Variants in SBF1 observed in about 807,000 individuals in gnomAD.
The protein encoded by SBF1 is myotubularin-related protein 5.
SBF1 carries 65 observed loss-of-function variants against 215.8 expected under a neutral mutation model. The observed-to-expected ratio is 0.30, with a 90% confidence interval of 0.25 to 0.37. SBF1 has a LOEUF of 0.37. SBF1 is among the 10% of genes least tolerant of loss of function. The pLI is 1.00. For missense variants in SBF1, 2,634 were observed against 2,667.8 expected (o/e 0.99, Z 0.28); for synonymous variants, 1,410 against 1,122.8 (o/e 1.26, Z -5.11).
In SBF1 at chr22:50,454,875, T is replaced by C; in HGVS notation, c.4751A>G (p.Asp1584Gly). Residue 1584 changes from aspartate to glycine, a missense_variant, in exon 35 of 41, where the codon GAC becomes GGC. Transcript: ENST00000380817. ...CACAGGCGTCCTCTTGCTCAGCCGG[T>C]CCACATACTCCCACACAGACCTGCA... ...VPCRSVWEYV[D>G]RLSKRTPVFH... The C allele has an allele frequency of 6.2e-7, 1 of 1,614,092 alleles. No individual in the cohort carries two copies. The highest frequency in any genetic ancestry group is 8.5e-7 in the Non-Finnish European group (1 of 1,179,996).
In SBF1 at chr22:50,474,765, G is replaced by T. The variant is rs771925120; in HGVS notation, c.55+21C>A. ...CTCGACCCTCGGCCCCCGGCCCTCA[G>T]CGCTTGGCCTCGGCACTCACCGCGC... On this transcript the variant is annotated intron_variant, in intron 1 of 40. Transcript: ENST00000380817. 20 of 1,461,850 alleles carry T rather than the reference G, an allele frequency of 1.4e-5. No homozygotes were observed. In the South Asian group the frequency reaches 2.3e-4, roughly 17 times the overall value. 90.6% of individuals were successfully genotyped at this position (1,461,850 alleles called of 1,614,324 possible). A position where few individuals can be genotyped will look rare whatever the true frequency, so the allele number is the denominator to read the frequency against.
rs2066924067 is a variant in SBF1, at chr22:50,448,552, T to A, written c.5142A>T (p.Pro1714=). 6.2e-7 allele frequency: 1 copy of A among 1,611,984 alleles called. No individual in the cohort carries two copies. Among genetic ancestry groups the A allele is most frequent in the South Asian group, 1.1e-5 (1 of 91,058 alleles). The change falls in exon 37 of 41, where the codon CCA becomes CCT. Residue 1714 remains proline, a synonymous_variant. Coordinates refer to ENST00000380817, the MANE Select transcript of SBF1 (RefSeq NM_002972.4). Reference sequence around the variant, plus strand: ...ACTGGCCCTCACTCACACGGCCGTCTGGCCGGCCCTCGAGGCGCTGTGCAG... The same window carrying A: ...ACTGGCCCTCACTCACACGGCCGTCAGGCCGGCCCTCGAGGCGCTGTGCAG... The part of the protein sequence containing the change: ...VKAAQRLEGR[P]DGRGTPSSLL...
rs1363637135 is a variant in SBF1, at chr22:50,474,805, C to A, written c.36G>T (p.Ala12=). ...ARLADYFVLV[A]FGPHPRGSGE... is the part of the protein sequence containing the mutation. ...ACTCACCGCGCGGGTGCGGCCCGAACGCCACCAGCACGAAGTAGTCCGCGA... is the reference window on the plus strand; with the variant it reads ...ACTCACCGCGCGGGTGCGGCCCGAAAGCCACCAGCACGAAGTAGTCCGCGA... Residue 12 remains alanine, a synonymous_variant, in exon 1 of 41, where the codon GCG becomes GCT. Coordinates refer to ENST00000380817, the MANE Select transcript of SBF1 (RefSeq NM_002972.4). 2.7e-6 allele frequency: 4 copies of A among 1,458,044 alleles called. No homozygotes were observed. The highest frequency in any genetic ancestry group is 1.5e-5 in the African/African-American group (1 of 67,508). The allele number at this position is 1,458,044 out of a possible 1,614,324, so 90.3% of individuals were successfully genotyped here.
Position 50,457,090 on chromosome 22 carries a change from A to C in SBF1, c.3848T>G (p.Val1283Gly). 6.7e-7 allele frequency: 1 copy of C among 1,488,412 alleles called. No individual in the cohort carries two copies. The highest frequency in any genetic ancestry group is 8.9e-7 in the Non-Finnish European group (1 of 1,127,582). 92.2% of individuals were successfully genotyped at this position (1,488,412 alleles called of 1,614,324 possible). A position where few individuals can be genotyped will look rare whatever the true frequency, so the allele number is the denominator to read the frequency against. Residue 1283 changes from valine to glycine, a missense_variant, in exon 29 of 41, where the codon GTC becomes GGC. Coordinates refer to ENST00000380817, the MANE Select transcript of SBF1 (RefSeq NM_002972.4). ...CGCCATGGGGTTGGACAGCGTGGTG[A>C]CCCTGGCTCTGGGGCTGGGAACTGA... ...GSHVPSPRAR[V>G]TTLSNPMAAS...
At chr22:50,458,051 G>C (rs1417815724) in intron 28 of SBF1, among the ~76,000 whole-genome samples, 2 of 152,228 alleles carry the variant, frequency 1.3e-5, no homozygotes, top group Non-Finnish European at 2.9e-5. Context: ...TGTAATCCCA[G>C]CACTTTGGGA....
In SBF1 at chr22:50,466,093, G is replaced by A. The variant is rs759332923; in HGVS notation, c.898-19C>T. The A allele has an allele frequency of 3.8e-5, 61 of 1,612,524 alleles. No homozygotes were observed. The highest frequency in any genetic ancestry group is 5.0e-5 in the Admixed American group (3 of 60,012). Reference sequence around the variant, plus strand: ...CATCGAGCTGCGGACCAAGGGAGCCGGCAGTCAGGGACCTGCAGGCCTGGG... The same window carrying A: ...CATCGAGCTGCGGACCAAGGGAGCCAGCAGTCAGGGACCTGCAGGCCTGGG... On this transcript the variant is annotated intron_variant, in intron 8 of 40. Transcript: ENST00000380817.
At chr22:50,453,824 G>A (rs370828256) in intron 36 of SBF1, among the ~76,000 whole-genome samples, 3 of 151,952 alleles carry the variant, frequency 2.0e-5, no homozygotes, top group East Asian at 3.9e-4. Context: ...AGGCCACACA[G>A]CCAACAGTGG....
intron 1 of SBF1, among the ~76,000 whole-genome samples, chr22:50,471,332 C>T (rs894616290): frequency 6.6e-6 from 1 of 152,212 alleles, no homozygotes; most frequent in Admixed American, 6.5e-5. Context: ...GCCTGAAAGG[C>T]GGGCGGGCGG....
At chr22:50,468,822 G>A (rs1231105045) in intron 1 of SBF1, among the ~76,000 whole-genome samples, 1 of 151,860 alleles carries the variant, frequency 6.6e-6, no homozygotes, top group Non-Finnish European at 1.5e-5. Context: ...CCCCACTTAG[G>A]CTCTCGGCCC....
intron 36 of SBF1, among the ~76,000 whole-genome samples, chr22:50,452,142 A>T (rs916929441): frequency 1.7e-5 from 2 of 114,948 alleles, no homozygotes; most frequent in African/African-American, 4.2e-5. Context: ...TGCTGAATTA[A>T]AAAAAAAAAA....
At chr22:50,465,887 T>G (rs1298316285) in intron 9 of SBF1, 47 bp from the exon 10 acceptor site, 4 of 1,611,408 alleles carry the variant, frequency 2.5e-6, no homozygotes. Context: ...GCCCCGGCTC[T>G]AGGCTCCCCG....
At chr22:50,465,355 G>A (rs1178068080) in intron 10 of SBF1, 27 bp from the exon 11 acceptor site, 4 of 1,542,918 alleles carry the variant, frequency 2.6e-6, no homozygotes, top group African/African-American at 1.4e-5. Flanking sequence ...GTGCAGGTGA[G>A]AGCCAGTCCT....
chr22:50,469,724 A>C (rs2067928175), intron 1 of SBF1, among the ~76,000 whole-genome samples: 3 of 151,978 alleles, frequency 2.0e-5, no homozygotes, highest in Admixed American at 2.0e-4. Flanking sequence ...CATGCTCAAC[A>C]CAGAGCCCCT....
chr22:50,468,611 A>T lies in SBF1; in HGVS notation c.56-150T>A. 6.8e-6 allele frequency: 4 copies of T among 589,806 alleles called. No individual in the cohort carries two copies. In the South Asian group the frequency reaches 8.3e-5, roughly 12 times the overall value. The allele number at this position is 589,806 out of a possible 1,614,324, so 36.5% of individuals were successfully genotyped here. ...TCCCTAAAAATAGCTCCGTATGGAG[A>T]GTCTGCTTGACAGCTGCAGACCCCA... is the stretch of plus-strand genomic sequence containing the variant. On this transcript the variant is annotated intron_variant, in intron 1 of 40. Coordinates refer to ENST00000380817, the MANE Select transcript of SBF1 (RefSeq NM_002972.4).
rs548328556 is a variant in SBF1 at position 50,472,691 on chromosome 22, G to A, written c.55+2095C>T. Reference sequence around the variant, plus strand: ...GCTCGAAGTCACAAGGCTATCAAGGGGCAAAGCAGAGACAAGTGACCCCCA... The same window carrying A: ...GCTCGAAGTCACAAGGCTATCAAGGAGCAAAGCAGAGACAAGTGACCCCCA... On this transcript the variant is annotated intron_variant, in intron 1 of 40. Coordinates refer to ENST00000380817, the MANE Select transcript of SBF1 (RefSeq NM_002972.4). 3.8e-3 allele frequency among the ~76,000 whole-genome samples: 575 copies of A among 152,282 alleles called. 2 individuals are homozygous for A. The highest frequency in any genetic ancestry group is 0.013 in the African/African-American group (549 of 41,544).
chr22:50,455,927 A>G, intron 31 of SBF1: 1 of 555,030 alleles, frequency 1.8e-6, no homozygotes, highest in Non-Finnish European at 3.2e-6. Context: ...GCAGGGGCCC[A>G]GAACCATAAA....
rs2067733955 is a variant in SBF1 at position 50,465,943 on chromosome 22, G to A, written c.1011+18C>T. On this transcript the variant is annotated intron_variant, in intron 9 of 40. Coordinates refer to ENST00000380817, the MANE Select transcript of SBF1 (RefSeq NM_002972.4). The stretch of plus-strand genomic sequence containing the variant: ...CCAAAGGCCCCCAAGGCTCCCGCTT[G>A]CCCATGGTGCCCCTCACCATGCTCA... 6.2e-7 allele frequency: 1 copy of A among 1,612,020 alleles called. No individual in the cohort carries two copies. Among genetic ancestry groups the A allele is most frequent in the Non-Finnish European group, 8.5e-7 (1 of 1,178,368 alleles).
intron 1 of SBF1, among the ~76,000 whole-genome samples, chr22:50,469,257 C>T (rs547972420): frequency 2.0e-5 from 3 of 152,236 alleles, no homozygotes; most frequent in Non-Finnish European, 4.4e-5. Flanking sequence ...TCTCCCTGTA[C>T]AAAGGCCATA....
chr22:50,464,326 C>A lies in SBF1; in HGVS notation c.1749+3G>T. The A allele has an allele frequency of 6.2e-7, 1 of 1,612,036 alleles. No individual in the cohort carries two copies. The highest frequency in any genetic ancestry group is 1.1e-5 in the South Asian group (1 of 90,778). On this transcript the variant is annotated splice_donor_region_variant and intron_variant, in intron 15 of 40. Transcript: ENST00000380817. ...GCCCGGCTGGAGCCTGCACAGCCCT[C>A]ACCTTCTTGGCCTCAAGCATTTTCC...
Sources: allele counts gnomAD v4.1 joint callset (sites outside exome capture counted in the v4.1 genomes callset), GRCh38; gene constraint gnomAD v4.1.1; transcripts MANE v1.5; gene names NCBI Gene and HGNC (gene_info 2026-07-23, HGNC 2026-07-21).